Variants in EIF2S1 observed in about 807,000 individuals in gnomAD.
EIF2S1 encodes eukaryotic translation initiation factor 2 subunit 1.
EIF2S1 carries 5 observed loss-of-function variants against 33.5 expected under a neutral mutation model. The ratio of observed to expected loss-of-function variants is 0.15; its 90% CI spans 0.08 to 0.31. The LOEUF is 0.31. EIF2S1 is among the 10% of genes least tolerant of loss of function. The pLI, the probability that EIF2S1 is intolerant of heterozygous loss-of-function variation, is 1.00. For synonymous variants in EIF2S1, 99 were observed against 127.5 expected (o/e 0.78, Z 1.51); for missense variants, 191 against 384.6 (o/e 0.50, Z 4.21).
At chr14:67,371,181 G>A (rs10140203) in intron 2 of EIF2S1, among the ~76,000 whole-genome samples, 12,237 of 152,108 alleles carry the variant, frequency 0.08, 1,162 homozygotes, top group African/African-American at 0.23. Context: ...TTCGGATGCT[G>A]AGACAGGAGG....
rs1386536636 is a variant in EIF2S1, at chr14:67,385,033, A to G, written c.*1593A>G. On this transcript the variant is annotated 3_prime_UTR_variant, in exon 8 of 8. Transcript: ENST00000256383. ...TACTTCAAAAGCCATAACTTGAAAA[A>G]TACTGGTGGCGTCGATGGTGAGTGA... 1 of 152,218 alleles carries G rather than the reference A, an allele frequency of 6.6e-6. No homozygotes were observed. Among genetic ancestry groups the G allele is most frequent in the East Asian group, 1.9e-4 (1 of 5,204 alleles). The allele number at this position is 152,218 out of a possible 1,614,324, so 9.4% of individuals were successfully genotyped here. A position where few individuals can be genotyped will look rare whatever the true frequency, so the allele number is the denominator to read the frequency against.
At chr14:67,363,634 A>G (rs915895578) in intron 1 of EIF2S1, among the ~76,000 whole-genome samples, 4 of 152,148 alleles carry the variant, frequency 2.6e-5, no homozygotes, top group African/African-American at 9.7e-5. Context: ...CAGTTTTTTA[A>G]TCTATAAAAT....
chr14:67,383,028 G>A (rs1323715655), intron 7 of EIF2S1, among the ~76,000 whole-genome samples: 1 of 152,058 alleles, frequency 6.6e-6, no homozygotes, highest in African/African-American at 2.4e-5. Flanking sequence ...GGTCTTGAAA[G>A]ATACAGCCAT....
chr14:67,368,954 GA>G (rs1460502478), intron 2 of EIF2S1, among the ~76,000 whole-genome samples: 2 of 151,562 alleles, frequency 1.3e-5, no homozygotes, highest in Admixed American at 6.6e-5. Flanking sequence ...AAACTCAAAA[GA>G]AAAAAACAAA....
At chr14:67,379,962 C>G (rs567704669) in intron 4 of EIF2S1, among the ~76,000 whole-genome samples, 1 of 151,964 alleles carries the variant, frequency 6.6e-6, no homozygotes, top group Admixed American at 6.6e-5. Context: ...TGCTATGTTG[C>G]CTAGACTGGT....
rs375074521 is a variant in EIF2S1 at position 67,364,764 on chromosome 14, C to A, written c.-1-3C>A. The A allele has an allele frequency of 6.9e-6, 11 of 1,605,828 alleles. No individual in the cohort carries two copies. Among genetic ancestry groups the A allele is most frequent in the Non-Finnish European group, 9.4e-6 (11 of 1,174,668 alleles). Reference sequence around the variant, plus strand: ...TTACTTAATTCTTTTGTTTAAATTGCAGAATGCCGGGTCTAAGTTGTAGAT... The same window carrying A: ...TTACTTAATTCTTTTGTTTAAATTGAAGAATGCCGGGTCTAAGTTGTAGAT... On this transcript the variant is annotated splice_region_variant and splice_polypyrimidine_tract_variant and intron_variant, in intron 1 of 7. Coordinates refer to ENST00000256383, the MANE Select transcript of EIF2S1 (RefSeq NM_004094.5).
At chr14:67,373,873 GTCTT>G (rs953844149) in intron 2 of EIF2S1, among the ~76,000 whole-genome samples, 4 of 148,796 alleles carry the variant, frequency 2.7e-5, no homozygotes, top group African/African-American at 7.6e-5. Flanking sequence ...GTGTGTGTGT[GTCTT>G]CTGTGACGAT....
chr14:67,382,879 A>G (rs1169014549), intron 7 of EIF2S1, among the ~76,000 whole-genome samples: 1 of 151,572 alleles, frequency 6.6e-6, no homozygotes, highest in African/African-American at 2.4e-5. Context: ...TTGTCCAACA[A>G]GAAAGAAGTG....
intron 4 of EIF2S1, among the ~76,000 whole-genome samples, chr14:67,379,654 C>CTTTTTTT (rs541791101): frequency 0.019 from 2,255 of 119,704 alleles, 89 homozygotes; most frequent in Non-Finnish European, 0.024. Context: ...TTTTCTTTTT[C>CTTTTTTT]TTTTTTTTTT....
intron 1 of EIF2S1, among the ~76,000 whole-genome samples, chr14:67,361,230 A>T (rs1211572550): frequency 6.6e-6 from 1 of 152,184 alleles, no homozygotes; most frequent in Non-Finnish European, 1.5e-5. Context: ...AGCAAAAAAC[A>T]TGGTTTCTTC....
chr14:67,379,677 C>T (rs1322955341), intron 4 of EIF2S1, among the ~76,000 whole-genome samples: 8 of 91,904 alleles, frequency 8.7e-5, no homozygotes, highest in Middle Eastern at 5.9e-3. Flanking sequence ...TTTTTTGAGA[C>T]GGAGTCTCGC....
At chr14:67,374,626 A>G (rs1880952022) in intron 3 of EIF2S1, 79 bp downstream of exon 3, 1 of 927,670 alleles carries the variant, frequency 1.1e-6, no homozygotes, top group African/African-American at 1.6e-5. Context: ...TCATACTGCT[A>G]CTACCTTAAA....
chr14:67,362,364 T>A (rs1472725345), intron 1 of EIF2S1, among the ~76,000 whole-genome samples: 1 of 152,126 alleles, frequency 6.6e-6, no homozygotes, highest in Non-Finnish European at 1.5e-5. Flanking sequence ...TAGTACATAG[T>A]AGCTACTGAA....
intron 1 of EIF2S1, among the ~76,000 whole-genome samples, chr14:67,362,042 T>C (rs968651395): frequency 6.7e-6 from 1 of 149,330 alleles, no homozygotes; most frequent in Non-Finnish European, 1.5e-5. Context: ...CTTTTTTTTT[T>C]TGAGACAGAG....
chr14:67,382,339 G>A (rs1296310175), intron 6 of EIF2S1, 108 bp from the exon 7 acceptor site: 6 of 1,032,726 alleles, frequency 5.8e-6, no homozygotes, highest in Middle Eastern at 2.6e-4. Flanking sequence ...TGGCAATTAC[G>A]TTTTGGGGTG....
At chr14:67,373,892 TCTTTC>T (rs1440360014) in intron 2 of EIF2S1, among the ~76,000 whole-genome samples, 2 of 150,600 alleles carry the variant, frequency 1.3e-5, no homozygotes, top group Admixed American at 1.3e-4. Context: ...GACGATAGCC[TCTTTC>T]CTTAAACTAA....
rs1203583514 is a variant in EIF2S1, at chr14:67,360,387, G to C, written c.-71G>C. ...AGGATCGGCGGCCGGTGAGGGGGAA[G>C]CAAGTCTGGTCTCTGTGATTGAAGA... On this transcript the variant is annotated 5_prime_UTR_variant, in exon 1 of 8. Transcript: ENST00000256383. 1 of 395,804 alleles carries C rather than the reference G, an allele frequency of 2.5e-6. No homozygotes were observed. 24.5% of individuals were successfully genotyped at this position (395,804 alleles called of 1,614,324 possible).
At chr14:67,361,878 T>C (rs767196023) in intron 1 of EIF2S1, among the ~76,000 whole-genome samples, 12 of 152,244 alleles carry the variant, frequency 7.9e-5, no homozygotes, top group Non-Finnish European at 1.5e-5. Context: ...GGAAGTATTA[T>C]AATTTAGTAT....
chr14:67,371,994 G>A (rs1412665312), intron 2 of EIF2S1, among the ~76,000 whole-genome samples: 1 of 152,186 alleles, frequency 6.6e-6, no homozygotes, highest in Non-Finnish European at 1.5e-5. Flanking sequence ...GCTGGGCATG[G>A]TGGCTGAGGC....
Sources: allele counts gnomAD v4.1 joint callset (sites outside exome capture counted in the v4.1 genomes callset), GRCh38; gene constraint gnomAD v4.1.1; transcripts MANE v1.5; gene names NCBI Gene and HGNC (gene_info 2026-07-23, HGNC 2026-07-21).